FSTL5: variants seen among roughly 807,000 people sequenced by gnomAD.
FSTL5 encodes the protein follistatin like 5.
A neutral mutation model predicts 89.1 loss-of-function variants in FSTL5; 62 were observed. The ratio of observed to expected loss-of-function variants is 0.70; its 90% CI spans 0.57 to 0.86. The LOEUF is 0.86. FSTL5 is among the 40% of genes least tolerant of loss of function. The probability of loss-of-function intolerance (pLI) is 0.00; values close to 1 mark genes in which losing one functional copy is unlikely to be tolerated. For synonymous variants in FSTL5, 383 were observed against 346.2 expected (o/e 1.11, Z -1.18); for missense variants, 1,057 against 1,001.6 (o/e 1.06, Z -0.75).
intron 1 of FSTL5, among the ~76,000 whole-genome samples, chr4:162,135,711 G>T (rs1732496282): frequency 6.6e-6 from 1 of 151,998 alleles, no homozygotes. Context: ...TAACTGTATT[G>T]TTTATCTTTG....
intron 4 of FSTL5, among the ~76,000 whole-genome samples, chr4:161,817,149 G>A (rs1320366600): frequency 6.6e-6 from 1 of 152,170 alleles, no homozygotes. Flanking sequence ...CATGTAAGAA[G>A]ACAGGCCAAA....
intron 4 of FSTL5, among the ~76,000 whole-genome samples, chr4:161,911,692 A>C (rs1450339284): frequency 6.6e-6 from 1 of 152,194 alleles, no homozygotes; most frequent in Non-Finnish European, 1.5e-5. Context: ...AATAATTTCT[A>C]GCTAGATGAT....
At chr4:161,530,537 T>C (rs1380842117) in intron 10 of FSTL5, among the ~76,000 whole-genome samples, 1 of 151,986 alleles carries the variant, frequency 6.6e-6, no homozygotes, top group East Asian at 1.9e-4. Context: ...TACAGCCAAC[T>C]AATGTTAATT....
intron 4 of FSTL5, among the ~76,000 whole-genome samples, chr4:161,872,128 GT>G (rs1398252509): frequency 0.19 from 12,128 of 64,038 alleles, 856 homozygotes; most frequent in African/African-American, 0.26. Context: ...TTTGTAGTTT[GT>G]TTTTTTTTTT....
intron 6 of FSTL5, among the ~76,000 whole-genome samples, chr4:161,712,400 T>C (rs932576151): frequency 7.2e-5 from 11 of 152,260 alleles, no homozygotes; most frequent in Non-Finnish European, 1.5e-4. Flanking sequence ...TAGGTCAAAT[T>C]TGACCATGGG....
At chr4:161,395,923 C>T (rs1730980201) in intron 15 of FSTL5, among the ~76,000 whole-genome samples, 1 of 151,926 alleles carries the variant, frequency 6.6e-6, no homozygotes, top group East Asian at 1.9e-4. Context: ...TAACAATGGC[C>T]TCCAATTAAT....
At chr4:161,452,464 A>G (rs923270167) in intron 15 of FSTL5, among the ~76,000 whole-genome samples, 1 of 149,086 alleles carries the variant, frequency 6.7e-6, no homozygotes, top group African/African-American at 2.4e-5. Flanking sequence ...TGACAGAGGG[A>G]GACTCTGTCT....
At chr4:161,759,329 T>C in intron 6 of FSTL5, 82 bp downstream of exon 6, 1 of 1,283,932 alleles carries the variant, frequency 7.8e-7, no homozygotes, top group Non-Finnish European at 1.1e-6. Context: ...GCTTGTACTA[T>C]GAGAGCAAGC....
At chr4:161,911,321 C>T (rs1307965356) in intron 4 of FSTL5, among the ~76,000 whole-genome samples, 6 of 151,860 alleles carry the variant, frequency 4.0e-5, no homozygotes, top group Admixed American at 3.9e-4. Context: ...ATTCAGGGTA[C>T]ATATTCAAAT....
chr4:162,133,348 A>G (rs1469693885), intron 1 of FSTL5, among the ~76,000 whole-genome samples: 2 of 152,214 alleles, frequency 1.3e-5, no homozygotes, highest in East Asian at 1.9e-4. Flanking sequence ...CTCCACGGTC[A>G]CACAGACAGT....
At chr4:161,711,708 A>G (rs190298765) in intron 6 of FSTL5, among the ~76,000 whole-genome samples, 33 of 152,214 alleles carry the variant, frequency 2.2e-4, no homozygotes, top group African/African-American at 7.7e-4. Flanking sequence ...TCCCTTATGA[A>G]TATTAATATA....
chr4:161,598,473 G>T (rs1274875304), intron 7 of FSTL5, among the ~76,000 whole-genome samples: 1 of 152,070 alleles, frequency 6.6e-6, no homozygotes, highest in African/African-American at 2.4e-5. Flanking sequence ...AGCATGAAAA[G>T]CCAAGACAAT....
chr4:161,738,681 G>C (rs547114037), intron 6 of FSTL5, among the ~76,000 whole-genome samples: 1 of 152,162 alleles, frequency 6.6e-6, no homozygotes, highest in East Asian at 1.9e-4. Context: ...CACATTAATT[G>C]GTGTTGATCA....
intron 3 of FSTL5, among the ~76,000 whole-genome samples, chr4:161,980,187 G>A (rs1735780601): frequency 7.0e-6 from 1 of 143,664 alleles, no homozygotes; most frequent in East Asian, 2.0e-4. Flanking sequence ...GAGAGGAGGA[G>A]ACAAGGAAGG....
At chr4:162,158,457 A>T (rs1435989801) in intron 1 of FSTL5, among the ~76,000 whole-genome samples, 2 of 152,106 alleles carry the variant, frequency 1.3e-5, no homozygotes, top group Non-Finnish European at 2.9e-5. Flanking sequence ...CAATGACTTA[A>T]TAATTAAGGA....
intron 14 of FSTL5, among the ~76,000 whole-genome samples, chr4:161,458,992 G>A (rs1381260825): frequency 2.0e-5 from 3 of 151,834 alleles, no homozygotes; most frequent in African/African-American, 4.8e-5. Context: ...TATTCTTTTC[G>A]CATATAAATA....
chr4:162,146,702 TCCCTTC>T (rs1180174130), intron 1 of FSTL5, among the ~76,000 whole-genome samples: 9 of 63,946 alleles, frequency 1.4e-4, no homozygotes, highest in South Asian at 1.1e-3. Context: ...TCCCTTCCCT[TCCCTTC>T]CCCTTCCCCT....
At chr4:161,850,717 A>G (rs951412920) in intron 4 of FSTL5, among the ~76,000 whole-genome samples, 2 of 152,234 alleles carry the variant, frequency 1.3e-5, no homozygotes, top group Non-Finnish European at 2.9e-5. Context: ...GGATTAAGTT[A>G]TAAAAGAAAA....
chr4:161,548,980 A>T (rs2126553596), intron 8 of FSTL5, among the ~76,000 whole-genome samples: 1 of 151,998 alleles, frequency 6.6e-6, no homozygotes, highest in East Asian at 1.9e-4. Flanking sequence ...TTCACATTGA[A>T]AGCAAATAGT....
Sources: allele counts gnomAD v4.1 joint callset (sites outside exome capture counted in the v4.1 genomes callset), GRCh38; gene constraint gnomAD v4.1.1; transcripts MANE v1.5; gene names NCBI Gene and HGNC (gene_info 2026-07-23, HGNC 2026-07-21).